The following INO80C variants were observed in gnomAD, a reference collection of about 807,000 sequenced individuals.
The protein encoded by INO80C is IES6 homolog.
Under a neutral mutation model 17.7 loss-of-function variants are expected in INO80C, and 17 were observed. The observed-to-expected ratio is 0.96, with a 90% confidence interval of 0.66 to 1.44. The LOEUF is 1.44. Among genes scored for constraint, INO80C ranks in the 40% most tolerant of loss-of-function variants. INO80C has a pLI of 0.00. For missense variants in INO80C, 244 were observed against 245.0 expected (o/e 1.00, Z 0.03); for synonymous variants, 96 against 95.8 (o/e 1.00, Z -0.01).
At chr18:35,497,573 C>G in intron 1 of INO80C, 146 bp downstream of exon 1, 2 of 1,423,316 alleles carry the variant, frequency 1.4e-6, no homozygotes, top group Non-Finnish European at 1.8e-6. Flanking sequence ...AAAGAGTAGT[C>G]ATTCACTCCG....
At chr18:35,479,874 TCTAGGTACCTC>T (rs1567982389) in intron 2 of INO80C, among the ~76,000 whole-genome samples, 2 of 149,514 alleles carry the variant, frequency 1.3e-5, no homozygotes, top group African/African-American at 5.1e-5. Flanking sequence ...TGGGTACTCT[TCTAGGTACCTC>T]TTTTTTTTTT....
intron 1 of INO80C, among the ~76,000 whole-genome samples, chr18:35,493,768 C>T (rs2144091687): frequency 6.6e-6 from 1 of 152,168 alleles, no homozygotes; most frequent in East Asian, 1.9e-4. Context: ...CTTTAACAAT[C>T]TCAAAAGGCA....
At chr18:35,486,166 A>G (rs534133967) in intron 1 of INO80C, among the ~76,000 whole-genome samples, 2 of 152,342 alleles carry the variant, frequency 1.3e-5, no homozygotes, top group East Asian at 3.9e-4. Context: ...ATAAAATGTA[A>G]TATTATTCAA....
chr18:35,497,730 T>C lies in INO80C; in HGVS notation c.145A>G (p.Ser49Gly), dbSNP rs747458840. The change falls in exon 1 of 5, where the codon AGC becomes GGC. Residue 49 changes from serine to glycine, a missense_variant. Physicochemically the swap from Ser to Gly is moderately conservative, Grantham distance 56 (BLOSUM62 0). Transcript: ENST00000334598. ...GCGCGACTGCGTACCTGCGCAAAGCTGGAAGCGGACGCTTTTTTCTTCTTA... is the reference window on the plus strand; with the variant it reads ...GCGCGACTGCGTACCTGCGCAAAGCCGGAAGCGGACGCTTTTTTCTTCTTA... ...ASKKKKASAS[S>G]FAQGISMEAM... 3.7e-6 allele frequency: 6 copies of C among 1,612,278 alleles called. No homozygotes were observed. Among genetic ancestry groups the C allele is most frequent in the Admixed American group, 1.7e-5 (1 of 59,916 alleles).
intron 1 of INO80C, among the ~76,000 whole-genome samples, chr18:35,486,719 C>T (rs369590968): frequency 1.6e-4 from 24 of 147,562 alleles, no homozygotes; most frequent in African/African-American, 5.0e-4. Context: ...GGCTGCACTG[C>T]GCTATGATTG....
At position 35,479,541 on chromosome 18, in the gene INO80C, C is replaced by CT. The variant is rs1242220354; in HGVS notation, c.268-131dup. 30 of 623,424 alleles carry CT rather than the reference C, an allele frequency of 4.8e-5. 2 individuals are homozygous for CT. Among genetic ancestry groups the CT allele is most frequent in the South Asian group, 4.3e-4 (22 of 51,582 alleles). The allele number at this position is 623,424 out of a possible 1,614,324, so 38.6% of individuals were successfully genotyped here. A position where few individuals can be genotyped will look rare whatever the true frequency, so the allele number is the denominator to read the frequency against. On this transcript the variant is annotated intron_variant, in intron 2 of 4. Transcript: ENST00000334598. ...TCAACAATCATTAAGACCCCTGAGA[C>CT]TTTTTTTAAAAGGTATTTCACTGTA...
chr18:35,497,373 A>T, intron 1 of INO80C: 1 of 1,069,838 alleles, frequency 9.3e-7, no homozygotes, highest in Non-Finnish European at 1.1e-6. Context: ...AGATGTCTGC[A>T]GAATGGACGA....
At chr18:35,496,865 T>C (rs2045987136) in intron 1 of INO80C, 1 of 152,210 alleles carries the variant, frequency 6.6e-6, no homozygotes, top group Non-Finnish European at 1.5e-5. Context: ...TTGTGCATTG[T>C]ACTCTGTGTA....
intron 1 of INO80C, among the ~76,000 whole-genome samples, chr18:35,493,866 T>C (rs948326369): frequency 6.6e-6 from 1 of 152,222 alleles, no homozygotes; most frequent in Non-Finnish European, 1.5e-5. Flanking sequence ...AGAATCAAAA[T>C]AGCTAAAATT....
Position 35,497,567 on chromosome 18 carries a change from A to G in INO80C, c.156+152T>C, listed in dbSNP as rs564972660. The G allele has an allele frequency of 3.7e-5, 53 of 1,420,412 alleles. No individual in the cohort carries two copies. In the South Asian group the frequency reaches 7.5e-4, roughly 20 times the overall value. 88.0% of individuals were successfully genotyped at this position (1,420,412 alleles called of 1,614,324 possible). A position where few individuals can be genotyped will look rare whatever the true frequency, so the allele number is the denominator to read the frequency against. ...CCCATGTGTCCAAACGAAGGGAAAG[A>G]GTAGTCATTCACTCCGCGGGGCAGC... On this transcript the variant is annotated intron_variant, in intron 1 of 4. Coordinates refer to ENST00000334598, the MANE Select transcript of INO80C (RefSeq NM_194281.4).
chr18:35,474,205 G>GTGTATATATA (rs1182452867), intron 4 of INO80C, among the ~76,000 whole-genome samples: 2 of 27,236 alleles, frequency 7.3e-5, no homozygotes, highest in African/African-American at 1.4e-4. Context: ...GTGTGTGTGT[G>GTGTATATATA]TCTATATATA....
At chr18:35,485,829 A>T (rs1485156553) in intron 1 of INO80C, among the ~76,000 whole-genome samples, 1 of 152,262 alleles carries the variant, frequency 6.6e-6, no homozygotes, top group African/African-American at 2.4e-5. Flanking sequence ...TGATGAAGAG[A>T]TAAAATGTGG....
At position 35,468,619 on chromosome 18, in the gene INO80C, C is replaced by A; in HGVS notation, c.571G>T (p.Val191Phe). ...YLALRKATSI[V>F]P ...ATCTCCCTTTCTGGGGCTCAGGGAA[C>A]GATGCTCGTGGCCTTCCTCAGGGCC... Residue 191 changes from valine to phenylalanine, a missense_variant, in exon 5 of 5, where the codon GTT becomes TTT. Coordinates refer to ENST00000334598, the MANE Select transcript of INO80C (RefSeq NM_194281.4). 1 of 1,614,060 alleles carries A rather than the reference C, an allele frequency of 6.2e-7. No homozygotes were observed. The highest frequency in any genetic ancestry group is 8.5e-7 in the Non-Finnish European group (1 of 1,180,002).
Position 35,497,916 on chromosome 18 carries a change from G to C in INO80C, c.-42C>G. ...CCCTGGTCCCCCCACCTTTTTCCCA[G>C]CGCGGGCCTTGGAACTTCCTTTCCG... On this transcript the variant is annotated 5_prime_UTR_variant, in exon 1 of 5. Transcript: ENST00000334598. 6.7e-7 allele frequency: 1 copy of C among 1,488,050 alleles called. No individual in the cohort carries two copies. Among genetic ancestry groups the C allele is most frequent in the Non-Finnish European group, 8.9e-7 (1 of 1,118,112 alleles). The allele number at this position is 1,488,050 out of a possible 1,614,324, so 92.2% of individuals were successfully genotyped here. A position where few individuals can be genotyped will look rare whatever the true frequency, so the allele number is the denominator to read the frequency against.
intron 1 of INO80C, among the ~76,000 whole-genome samples, chr18:35,486,464 T>C (rs2045875274): frequency 1.3e-5 from 2 of 152,220 alleles, no homozygotes; most frequent in East Asian, 3.8e-4. Context: ...TCAGTGAATA[T>C]ACTATAAACC....
intron 1 of INO80C, among the ~76,000 whole-genome samples, chr18:35,495,349 G>A (rs2045970645): frequency 6.6e-6 from 1 of 152,192 alleles, no homozygotes; most frequent in African/African-American, 2.4e-5. Context: ...AGGAGGTCGA[G>A]GCTGCAGTGA....
chr18:35,468,590 C>T lies in INO80C; in HGVS notation c.*21G>A, dbSNP rs3088182. On this transcript the variant is annotated 3_prime_UTR_variant, in exon 5 of 5. Transcript: ENST00000334598. ...AGTCTGTTTTTGAAACAGCTTTCCA[C>T]TTCATCTCCCTTTCTGGGGCTCAGG... is the stretch of plus-strand genomic sequence containing the variant. The T allele has an allele frequency of 0.32, 520,276 of 1,613,438 alleles. 86,423 individuals carry two copies. Among genetic ancestry groups the T allele is most frequent in the Middle Eastern group, 0.43 (2,594 of 6,050 alleles).
intron 4 of INO80C, among the ~76,000 whole-genome samples, chr18:35,474,485 C>T (rs1232692520): frequency 6.6e-6 from 1 of 151,414 alleles, no homozygotes. Flanking sequence ...GCCGGGAGTT[C>T]AGGACCAGCC....
At chr18:35,477,572 G>GAAAACAAAACAAAAC (rs369174665) in intron 4 of INO80C, among the ~76,000 whole-genome samples, 4 of 151,992 alleles carry the variant, frequency 2.6e-5, no homozygotes, top group African/African-American at 7.2e-5. Flanking sequence ...ATTTGTTTAA[G>GAAAACAAAACAAAAC]AAAACAAAAC....
Sources: gnomAD v4.1 joint callset for allele counts (sites outside exome capture counted in the v4.1 genomes callset) on GRCh38, gnomAD v4.1.1 for gene constraint, MANE v1.5 for transcripts, NCBI Gene and HGNC (gene_info 2026-07-23, HGNC 2026-07-21) for gene names.